The following ABCA9 variants were observed in gnomAD, a reference collection of about 807,000 sequenced individuals.
ABCA9 encodes the protein ATP-binding cassette sub-family A member 9.
ABCA9 carries 183 observed loss-of-function variants against 205.3 expected under a neutral mutation model. The observed-to-expected ratio is 0.89, with a 90% CI of 0.79 to 1.01. ABCA9 has a LOEUF of 1.01. Ranked by LOEUF, ABCA9 falls within the 50% of genes least tolerant of loss-of-function variation. The probability of loss-of-function intolerance (pLI) is 0.00; values close to 1 mark genes in which losing one functional copy is unlikely to be tolerated. For missense variants in ABCA9, 1,805 were observed against 1,912.4 expected, an observed-to-expected ratio of 0.94 and a Z score of 1.05; for synonymous variants, 651 against 683.3, an observed-to-expected ratio of 0.95 and a Z score of 0.74.
intron 10 of ABCA9, among the ~76,000 whole-genome samples, chr17:69,030,433 C>G (rs1302229943): frequency 1.3e-5 from 2 of 152,338 alleles, no homozygotes; most frequent in East Asian, 3.9e-4. Context: ...ATGATCTCAT[C>G]TAACCCTAAT....
At chr17:69,062,154 A>C (rs2072272424), upstream of ABCA9, among the ~76,000 whole-genome samples, 1 of 151,982 alleles carries the variant, frequency 6.6e-6, no homozygotes, top group East Asian at 1.9e-4. Context: ...AAAAAAAAAA[A>C]GACTTCTGAT....
chr17:69,008,999 A>G (rs1381587360), intron 23 of ABCA9, among the ~76,000 whole-genome samples: 1 of 152,256 alleles, frequency 6.6e-6, no homozygotes, highest in Non-Finnish European at 1.5e-5. Context: ...AAAGGAGAGT[A>G]CATCTGGAAG....
In ABCA9 at chr17:69,044,501, A is replaced by G. The variant is rs2071646546; in HGVS notation, c.569T>C (p.Ile190Thr). The G allele has an allele frequency of 1.9e-6, 3 of 1,612,624 alleles. No homozygotes were observed. In the Admixed American group the frequency reaches 5.0e-5, roughly 27 times the overall value. Reference protein sequence around the residue: ...AFQAAINAAIIEIATNHSVME... With the variant: ...AFQAAINAAITEIATNHSVME... ...TTCCTTTAACTTTATACTCACTTCT[A>G]TGATAGCAGCATTAATGGCAGCTTG... The change falls in exon 5 of 39, where the codon ATA becomes ACA. Residue 190 changes from isoleucine to threonine, a missense_variant. Ile to Thr is a moderately conservative substitution (Grantham distance 89). Transcript: ENST00000340001.
intron 25 of ABCA9, among the ~76,000 whole-genome samples, chr17:69,000,033 G>A (rs2069790262): frequency 6.6e-6 from 1 of 152,046 alleles, no homozygotes; most frequent in Non-Finnish European, 1.5e-5. Flanking sequence ...TTAGCCCTTT[G>A]TCAGATGAGT....
intron 34 of ABCA9, among the ~76,000 whole-genome samples, chr17:68,984,569 T>C (rs1255362391): frequency 6.6e-6 from 1 of 152,216 alleles, no homozygotes; most frequent in Non-Finnish European, 1.5e-5. Flanking sequence ...TGTTTCTTTT[T>C]TTCCTCCATA....
At chr17:69,018,657 TATA>T in intron 19 of ABCA9, 78 bp from the exon 20 acceptor site, 1 of 988,158 alleles carries the variant, frequency 1.0e-6, no homozygotes, top group Non-Finnish European at 1.5e-6. Context: ...GTATAATGAA[TATA>T]ATAACAGAAA....
Position 68,984,949 on chromosome 17 carries a change from G to A in ABCA9, c.4315C>T (p.Pro1439Ser), listed in dbSNP as rs1265872944. Residue 1439 changes from proline (P) to serine (S), a missense_variant, in exon 34 of 39, where the codon CCG (proline) becomes TCG (serine). By Grantham distance (74) the Pro-to-Ser change is moderately conservative. Coordinates refer to ENST00000340001, the MANE Select transcript of ABCA9 (RefSeq NM_080283.4). ...LCFVLSILGN[P>S]SVVLLDEPST... ...GGCTCATCCAGAAGCACCACTGACGGGTTCCCCAGGATGCTCAGCACAAAG... is the reference window on the plus strand; with the variant it reads ...GGCTCATCCAGAAGCACCACTGACGAGTTCCCCAGGATGCTCAGCACAAAG... The A allele has an allele frequency of 6.2e-7, 1 of 1,614,038 alleles. No individual in the cohort carries two copies. The highest frequency in any genetic ancestry group is 8.5e-7 in the Non-Finnish European group (1 of 1,180,036).
chr17:68,989,822 CACAAAAAGAG>C lies in ABCA9; in HGVS notation c.3936_3945del (p.Ser1313LeufsTer7), dbSNP rs777698639. ...AACTACTGTTTCCAACCTTTTTTAA[CACAAAAAGAG>C]ACATTTCTTGTGGCAATTTTTTTCT... On this transcript the variant is annotated frameshift_variant, in exon 30 of 39. Coordinates refer to ENST00000340001, the MANE Select transcript of ABCA9 (RefSeq NM_080283.4). LOFTEE classifies it high-confidence loss of function. 1 of 1,578,434 alleles carries C rather than the reference CACAAAAAGAG, an allele frequency of 6.3e-7. No homozygotes were observed. Among genetic ancestry groups the C allele is most frequent in the Non-Finnish European group, 8.7e-7 (1 of 1,149,468 alleles).
At position 68,982,581 on chromosome 17, in the gene ABCA9, A is replaced by T; in HGVS notation, c.4701T>A (p.Ala1567=). ...TCTTACCTATCTCTAATTTGAAGAA[A>T]GCCTGTGATAAAGGTCGCACATCCT... ...PVEDVRPLSQ[A]FFKLEIVKQS... Residue 1567 remains alanine (A), a synonymous_variant, in exon 37 of 39, where the codon GCT becomes GCA. Coordinates refer to ENST00000340001, the MANE Select transcript of ABCA9 (RefSeq NM_080283.4). The T allele has an allele frequency of 6.2e-7, 1 of 1,614,054 alleles. No individual in the cohort carries two copies. Among genetic ancestry groups the T allele is most frequent in the East Asian group, 2.2e-5 (1 of 44,886 alleles).
rs2069476144 is a variant in ABCA9, at chr17:68,992,256, T to C, written c.3635A>G (p.His1212Arg). 1.9e-6 allele frequency: 3 copies of C among 1,588,844 alleles called. No homozygotes were observed. The Admixed American group carries it at 5.1e-5, about 27-fold the overall frequency. The change falls in exon 28 of 39, where the codon CAT becomes CGT. Residue 1212 changes from histidine to arginine, a missense_variant. Coordinates refer to ENST00000340001, the MANE Select transcript of ABCA9 (RefSeq NM_080283.4). ...VYLALLIPYL[H>R]FLIFLFILRC... ...CAGAATGAAAAGAAAAATGAGAAAA[T>C]GAAGGTAAGGCTAGGGAAAAAGAAA... is the stretch of plus-strand genomic sequence containing the variant.
chr17:68,993,089 A>T lies in ABCA9; in HGVS notation c.3556-5T>A. On this transcript the variant is annotated splice_region_variant and splice_polypyrimidine_tract_variant and intron_variant, in intron 26 of 38. Transcript: ENST00000340001. The stretch of plus-strand genomic sequence containing the variant: ...ATCCATGGAATCAGGAGAAATCTGT[A>T]AAATGAGCAGTAAGTGTATTCAGGT... 1 of 1,611,974 alleles carries T rather than the reference A, an allele frequency of 6.2e-7. No individual in the cohort carries two copies. The highest frequency in any genetic ancestry group is 8.5e-7 in the Non-Finnish European group (1 of 1,178,206).
chr17:69,055,579 C>A (rs1415955012), intron 1 of ABCA9, among the ~76,000 whole-genome samples: 1 of 152,096 alleles, frequency 6.6e-6, no homozygotes, highest in East Asian at 1.9e-4. Flanking sequence ...ACTTCATCAC[C>A]TCTCTTGGCA....
chr17:69,019,341 C>T (rs547295038), intron 19 of ABCA9, among the ~76,000 whole-genome samples: 11 of 152,190 alleles, frequency 7.2e-5, no homozygotes, highest in African/African-American at 2.6e-4. Context: ...AATGCAAACT[C>T]CTTAGCTCTT....
intron 26 of ABCA9, among the ~76,000 whole-genome samples, chr17:68,994,810 T>C (rs2069563929): frequency 6.6e-6 from 1 of 152,222 alleles, no homozygotes; most frequent in South Asian, 2.1e-4. Context: ...TTTTCTCACC[T>C]ATTCATGGAC....
intron 37 of ABCA9, among the ~76,000 whole-genome samples, chr17:68,977,962 G>T (rs532400971): frequency 6.6e-6 from 1 of 152,312 alleles, no homozygotes; most frequent in South Asian, 2.1e-4. Flanking sequence ...TTGGGGTGGA[G>T]AGTTCTGTAG....
At chr17:69,043,463 T>A (rs200898301) in intron 6 of ABCA9, 26 bp downstream of exon 6, 1 of 1,520,690 alleles carries the variant, frequency 6.6e-7, no homozygotes, top group East Asian at 2.3e-5. Flanking sequence ...TTATGCTGTA[T>A]AATGGATTGG....
Position 69,017,643 on chromosome 17 carries a change from G to C in ABCA9, c.2901+13C>G, listed in dbSNP as rs770157303. 1.2e-6 allele frequency: 2 copies of C among 1,611,926 alleles called. No individual in the cohort carries two copies. Among genetic ancestry groups the C allele is most frequent in the South Asian group, 2.2e-5 (2 of 90,828 alleles). Reference sequence around the variant, plus strand: ...CACCTTTGGTGAAATGCAGCAACTGGAGTCCAGCATACCTTTTCATCACCT... The same window carrying C: ...CACCTTTGGTGAAATGCAGCAACTGCAGTCCAGCATACCTTTTCATCACCT... On this transcript the variant is annotated intron_variant, in intron 21 of 38. Coordinates refer to ENST00000340001, the MANE Select transcript of ABCA9 (RefSeq NM_080283.4).
chr17:69,048,291 G>A lies in ABCA9; in HGVS notation c.304+992C>T, dbSNP rs145478613. On this transcript the variant is annotated intron_variant, in intron 3 of 38. Transcript: ENST00000340001. ...AATATTCCACTTATGCATCATGTCA[G>A]GCTCAAAAGGCTTCAGATTTTGGAG... is the stretch of plus-strand genomic sequence containing the variant. 2.4e-3 allele frequency among the ~76,000 whole-genome samples: 365 copies of A among 152,218 alleles called. 2 individuals are homozygous for A. The highest frequency in any genetic ancestry group is 8.0e-3 in the African/African-American group (331 of 41,540).
At chr17:68,988,731 C>T (rs758843972) in intron 31 of ABCA9, among the ~76,000 whole-genome samples, 36 of 152,046 alleles carry the variant, frequency 2.4e-4, no homozygotes, top group African/African-American at 8.2e-4. Context: ...GCATTAAATT[C>T]GACAAAGTTC....
Sources: gnomAD v4.1 joint callset for allele counts (sites outside exome capture counted in the v4.1 genomes callset) on GRCh38, gnomAD v4.1.1 for gene constraint, MANE v1.5 for transcripts, NCBI Gene and HGNC (gene_info 2026-07-23, HGNC 2026-07-21) for gene names.